The following NDST4 variants were observed in gnomAD, a reference collection of about 807,000 sequenced individuals.
NDST4 encodes N-heparan sulfate sulfotransferase 4.
In NDST4, 63 loss-of-function variants were observed where a neutral mutation model predicts 100.8. The ratio of observed to expected loss-of-function variants is 0.62; its 90% confidence interval spans 0.51 to 0.77. The LOEUF (loss-of-function observed/expected upper bound fraction) is 0.77, where lower values mean the gene tolerates loss of function less well. Among genes scored for constraint, NDST4 ranks in the 30% least tolerant of loss-of-function variants. The pLI is 0.00. For missense variants in NDST4, 943 were observed against 1,018.4 expected (o/e 0.93, Z 1.01); for synonymous variants, 377 against 361.8 (o/e 1.04, Z -0.48).
intron 8 of NDST4, 96 bp from the exon 9 acceptor site, chr4:114,848,434 A>C: frequency 1.0e-6 from 1 of 955,220 alleles, no homozygotes; most frequent in Non-Finnish European, 1.5e-6. Flanking sequence ...TAAAATAATC[A>C]ACTATTTCCA....
intron 6 of NDST4, among the ~76,000 whole-genome samples, chr4:114,934,387 T>C (rs535195486): frequency 2.6e-5 from 4 of 151,866 alleles, no homozygotes; most frequent in African/African-American, 9.7e-5. Context: ...CTGTCTCTTC[T>C]AAAAATACAA....
At chr4:114,923,463 T>G (rs545121376) in intron 6 of NDST4, among the ~76,000 whole-genome samples, 3 of 152,082 alleles carry the variant, frequency 2.0e-5, no homozygotes, top group Non-Finnish European at 2.9e-5. Flanking sequence ...GATAATAAAA[T>G]CTAGCATTTT....
At chr4:115,061,058 A>T (rs1307501099) in intron 2 of NDST4, among the ~76,000 whole-genome samples, 1 of 152,116 alleles carries the variant, frequency 6.6e-6, no homozygotes, top group East Asian at 1.9e-4. Flanking sequence ...GCCAACAAAC[A>T]TATGAAAAAA....
chr4:114,837,050 T>C (rs1455688168), intron 11 of NDST4, among the ~76,000 whole-genome samples: 2 of 152,110 alleles, frequency 1.3e-5, no homozygotes, highest in African/African-American at 4.8e-5. Context: ...TTCCTTGCAT[T>C]GGGTTACAAC....
chr4:114,895,215 A>AAATT (rs1426221513), intron 6 of NDST4, among the ~76,000 whole-genome samples: 5 of 152,094 alleles, frequency 3.3e-5, no homozygotes, highest in Admixed American at 3.3e-4. Context: ...TTTTTGAAAA[A>AAATT]AATTAACAAA....
chr4:115,053,562 T>G (rs1728630802), intron 2 of NDST4, among the ~76,000 whole-genome samples: 4 of 152,136 alleles, frequency 2.6e-5, no homozygotes, highest in Admixed American at 2.6e-4. Context: ...ACTATATGCT[T>G]GTGTACTTTT....
intron 6 of NDST4, among the ~76,000 whole-genome samples, chr4:114,918,666 A>C (rs1009487718): frequency 6.6e-6 from 1 of 152,104 alleles, no homozygotes; most frequent in Non-Finnish European, 1.5e-5. Flanking sequence ...CCCTCCCCTG[A>C]CCATTTGAAA....
intron 6 of NDST4, among the ~76,000 whole-genome samples, chr4:114,874,189 G>C (rs1045695217): frequency 6.6e-6 from 1 of 152,114 alleles, no homozygotes; most frequent in African/African-American, 2.4e-5. Flanking sequence ...GTATCATAAA[G>C]AGTATTTTTA....
chr4:115,052,000 T>G (rs1728593715), intron 2 of NDST4, among the ~76,000 whole-genome samples: 1 of 152,136 alleles, frequency 6.6e-6, no homozygotes, highest in South Asian at 2.1e-4. Flanking sequence ...GATATATCAT[T>G]GTAATTTTGA....
intron 11 of NDST4, among the ~76,000 whole-genome samples, chr4:114,837,200 T>C (rs1723323243): frequency 6.6e-6 from 1 of 152,124 alleles, no homozygotes; most frequent in Non-Finnish European, 1.5e-5. Flanking sequence ...AGAGGCATTC[T>C]GGTTTTTGAA....
chr4:114,918,092 A>G (rs1218411877), intron 6 of NDST4, among the ~76,000 whole-genome samples: 1 of 152,160 alleles, frequency 6.6e-6, no homozygotes, highest in African/African-American at 2.4e-5. Context: ...ATTACAAGGT[A>G]TCTTTTCCTA....
chr4:114,889,530 T>C (rs1724548484), intron 6 of NDST4, among the ~76,000 whole-genome samples: 1 of 152,196 alleles, frequency 6.6e-6, no homozygotes, highest in Non-Finnish European at 1.5e-5. Flanking sequence ...GGTAATAAAG[T>C]GTTTGAGGTT....
intron 2 of NDST4, among the ~76,000 whole-genome samples, chr4:114,994,756 G>A (rs1727123233): frequency 6.6e-6 from 1 of 151,776 alleles, no homozygotes; most frequent in Admixed American, 6.6e-5. Context: ...CTTTGAGCTT[G>A]GAAAAAATCT....
chr4:114,973,946 T>G (rs561952490), intron 3 of NDST4, among the ~76,000 whole-genome samples: 15 of 151,900 alleles, frequency 9.9e-5, no homozygotes, highest in Non-Finnish European at 1.8e-4. Context: ...TGTGGAATGA[T>G]AAACATTGAT....
At chr4:114,843,420 A>G (rs1365998533) in intron 10 of NDST4, among the ~76,000 whole-genome samples, 1 of 152,286 alleles carries the variant, frequency 6.6e-6, no homozygotes, top group East Asian at 1.9e-4. Flanking sequence ...AATCAACACT[A>G]CTACAGATCA....
At chr4:115,054,050 C>T (rs931545433) in intron 2 of NDST4, among the ~76,000 whole-genome samples, 2 of 151,974 alleles carry the variant, frequency 1.3e-5, no homozygotes, top group Admixed American at 6.6e-5. Flanking sequence ...TAATAGGTCA[C>T]TGTGATGTCC....
chr4:114,940,525 C>T (rs927824233), intron 4 of NDST4, among the ~76,000 whole-genome samples: 4 of 152,118 alleles, frequency 2.6e-5, no homozygotes, highest in African/African-American at 7.2e-5. Context: ...CCTAACAGGA[C>T]GGGGAGCATG....
intron 1 of NDST4, 145 bp downstream of exon 1, chr4:115,113,299 T>G (rs1729991771): frequency 6.6e-6 from 1 of 151,944 alleles, no homozygotes; most frequent in Admixed American, 6.6e-5. Flanking sequence ...AAAGGGAGAT[T>G]GAATTTGGTT....
In NDST4 at chr4:115,077,215, G is replaced by A; in HGVS notation, c.-179C>T. On this transcript the variant is annotated 5_prime_UTR_variant, in exon 2 of 14. Coordinates refer to ENST00000264363, the MANE Select transcript of NDST4 (RefSeq NM_022569.3). ...AAGCTGGAAGGCAATAGATGGGAAG[G>A]ATATACGTTGAGGAGATTTTGAATA... is the stretch of plus-strand genomic sequence containing the variant. The A allele has an allele frequency of 1.7e-6, 1 of 572,844 alleles. No individual in the cohort carries two copies. Among genetic ancestry groups the A allele is most frequent in the Non-Finnish European group, 3.0e-6 (1 of 329,824 alleles). The allele number at this position is 572,844 out of a possible 1,614,324, so 35.5% of individuals were successfully genotyped here.
Sources: allele counts gnomAD v4.1 joint callset (sites outside exome capture counted in the v4.1 genomes callset), GRCh38; gene constraint gnomAD v4.1.1; transcripts MANE v1.5; gene names NCBI Gene and HGNC (gene_info 2026-07-23, HGNC 2026-07-21).